OPCML: variants seen among roughly 807,000 people sequenced by gnomAD.
OPCML encodes opioid binding protein/cell adhesion molecule like.
A neutral mutation model predicts 37.8 loss-of-function variants in OPCML; 13 were observed. That is an observed-to-expected ratio of 0.34 (90% CI 0.22 to 0.55). OPCML has a LOEUF of 0.55. Among genes scored for constraint, OPCML ranks in the 20% least tolerant of loss-of-function variants. OPCML has a pLI of 0.91. For missense variants in OPCML, 341 were observed against 435.6 expected (o/e 0.78, Z 1.93); for synonymous variants, 176 against 168.8 (o/e 1.04, Z -0.33).
Position 132,641,969 on chromosome 11 carries a change from C to T in OPCML, c.379+15118G>A, listed in dbSNP as rs57753020. 2.1e-3 allele frequency among the ~76,000 whole-genome samples: 320 copies of T among 152,226 alleles called. 3 individuals are homozygous for T. The highest frequency in any genetic ancestry group is 7.1e-3 in the African/African-American group (293 of 41,512). On this transcript the variant is annotated intron_variant, in intron 3 of 7. Coordinates refer to ENST00000524381, the MANE Select transcript of OPCML (RefSeq NM_001012393.5). ...GAGATGTGTGTACCACAGCTACCGA[C>T]GGTTTTTCTTTTGAAACTAGAGAAT...
At position 132,479,375 on chromosome 11, in the gene OPCML, T is replaced by C. The variant is rs565003291; in HGVS notation, c.506-42016A>G. Among the ~76,000 whole-genome samples, 411 of 152,308 alleles carry C rather than the reference T, an allele frequency of 2.7e-3. 4 individuals are homozygous for C. Among genetic ancestry groups the C allele is most frequent in the African/African-American group, 9.3e-3 (385 of 41,582 alleles). On this transcript the variant is annotated intron_variant, in intron 4 of 7. Coordinates refer to ENST00000524381, the MANE Select transcript of OPCML (RefSeq NM_001012393.5). ...CCCACACGTGGCTCGGAGGGTCCTA[T>C]GCCCACGGAATCTCGCTGATTGCTA...
intron 3 of OPCML, among the ~76,000 whole-genome samples, chr11:132,650,343 T>G (rs1941367193): frequency 6.6e-6 from 1 of 151,728 alleles, no homozygotes; most frequent in Non-Finnish European, 1.5e-5. Flanking sequence ...AGACACAGAG[T>G]GCAGAGACTC....
chr11:132,716,884 T>C (rs1944514604), intron 2 of OPCML, among the ~76,000 whole-genome samples: 1 of 152,160 alleles, frequency 6.6e-6, no homozygotes, highest in African/African-American at 2.4e-5. Context: ...GAGTTCTTTC[T>C]TATAAATAAT....
At chr11:133,337,601 T>C (rs1943771658) in intron 1 of OPCML, among the ~76,000 whole-genome samples, 2 of 152,142 alleles carry the variant, frequency 1.3e-5, no homozygotes, top group Non-Finnish European at 2.9e-5. Flanking sequence ...GTACAGTCAG[T>C]TGACTTCTGA....
intron 1 of OPCML, among the ~76,000 whole-genome samples, chr11:133,252,689 T>C (rs1941173768): frequency 6.6e-6 from 1 of 152,228 alleles, no homozygotes; most frequent in African/African-American, 2.4e-5. Flanking sequence ...TTCTCTGTGC[T>C]CCCAGTTAGA....
chr11:133,319,656 G>A (rs1423984459), intron 1 of OPCML, among the ~76,000 whole-genome samples: 1 of 152,088 alleles, frequency 6.6e-6, no homozygotes, highest in East Asian at 1.9e-4. Flanking sequence ...ATCTTCAATG[G>A]CTGTAAGTCC....
intron 1 of OPCML, among the ~76,000 whole-genome samples, chr11:133,060,824 G>A (rs1948328724): frequency 6.6e-6 from 1 of 152,232 alleles, no homozygotes; most frequent in Non-Finnish European, 1.5e-5. Context: ...ATGCAGAGAT[G>A]ACAGGCTCAC....
chr11:133,328,587 C>T (rs2136642143), intron 1 of OPCML, among the ~76,000 whole-genome samples: 1 of 152,022 alleles, frequency 6.6e-6, no homozygotes, highest in Admixed American at 6.6e-5. Context: ...AAGTGCTGGG[C>T]ACTTTACTAA....
intron 2 of OPCML, among the ~76,000 whole-genome samples, chr11:132,801,983 T>A (rs1938677889): frequency 6.6e-6 from 1 of 152,122 alleles, no homozygotes; most frequent in African/African-American, 2.4e-5. Context: ...CCCACCAGAA[T>A]TGTCATCTCC....
At chr11:133,326,411 G>T (rs1339892604) in intron 1 of OPCML, among the ~76,000 whole-genome samples, 5 of 144,122 alleles carry the variant, frequency 3.5e-5, no homozygotes, top group African/African-American at 1.3e-4. Flanking sequence ...GAAACAGTGG[G>T]TGTGGATATG....
chr11:132,737,341 A>C (rs1945292618), intron 2 of OPCML, among the ~76,000 whole-genome samples: 1 of 152,192 alleles, frequency 6.6e-6, no homozygotes, highest in African/African-American at 2.4e-5. Flanking sequence ...TTGTTTTACA[A>C]ATATAATAGC....
intron 3 of OPCML, among the ~76,000 whole-genome samples, chr11:132,584,377 C>G (rs118064380): frequency 6.6e-6 from 1 of 152,114 alleles, no homozygotes; most frequent in Admixed American, 6.5e-5. Flanking sequence ...ATCCTCTTAA[C>G]AGTAGAGGGA....
intron 1 of OPCML, among the ~76,000 whole-genome samples, chr11:133,253,341 GCT>G (rs912230689): frequency 6.6e-6 from 1 of 151,984 alleles, no homozygotes; most frequent in African/African-American, 2.4e-5. Context: ...ACAGAATCTT[GCT>G]CTGTCACCCA....
chr11:133,034,083 C>T (rs765816563), intron 1 of OPCML, among the ~76,000 whole-genome samples: 1 of 152,154 alleles, frequency 6.6e-6, no homozygotes, highest in Non-Finnish European at 1.5e-5. Context: ...AAAGAGCTTG[C>T]TTGCCAACCA....
chr11:133,007,479 T>C, intron 1 of OPCML: 1 of 985,466 alleles, frequency 1.0e-6, no homozygotes, highest in Non-Finnish European at 1.2e-6. Flanking sequence ...ATTCTATTAA[T>C]TTGTTAATGA....
At chr11:132,636,337 A>G (rs907523209) in intron 3 of OPCML, among the ~76,000 whole-genome samples, 2 of 152,212 alleles carry the variant, frequency 1.3e-5, no homozygotes, top group African/African-American at 4.8e-5. Flanking sequence ...ACCACTGTGC[A>G]TACATTTGTC....
intron 3 of OPCML, among the ~76,000 whole-genome samples, chr11:132,540,905 T>C (rs2096354766): frequency 6.6e-6 from 1 of 152,244 alleles, no homozygotes; most frequent in Non-Finnish European, 1.5e-5. Context: ...AGTTCTCTTC[T>C]TTCTGGAGCA....
intron 3 of OPCML, among the ~76,000 whole-genome samples, chr11:132,650,276 C>T (rs1339605252): frequency 6.6e-6 from 1 of 152,200 alleles, no homozygotes; most frequent in Non-Finnish European, 1.5e-5. Context: ...TGGCAAAAGA[C>T]TGCGATTACT....
chr11:132,501,064 A>T (rs916026168), intron 4 of OPCML, among the ~76,000 whole-genome samples: 1 of 150,582 alleles, frequency 6.6e-6, no homozygotes, highest in Admixed American at 6.6e-5. Flanking sequence ...CTTTGGGTAT[A>T]TACCCAGTAA....
Sources: gnomAD v4.1 joint callset for allele counts (sites outside exome capture counted in the v4.1 genomes callset) on GRCh38, gnomAD v4.1.1 for gene constraint, MANE v1.5 for transcripts, NCBI Gene and HGNC (gene_info 2026-07-23, HGNC 2026-07-21) for gene names.